Variants in IFT43 observed in about 807,000 individuals in gnomAD.
The protein encoded by IFT43 is intraflagellar transport 43, also known as intraflagellar transport protein 43 homolog.
In IFT43, 33 loss-of-function variants were observed where a neutral mutation model predicts 32.3. That is an observed-to-expected ratio of 1.02 (90% CI 0.77 to 1.37). IFT43 has a LOEUF of 1.37. IFT43 is among the 40% of genes most tolerant of loss of function. The probability of loss-of-function intolerance (pLI) is 0.00; values close to 1 mark genes in which losing one functional copy is unlikely to be tolerated. For missense variants in IFT43, 274 were observed against 265.9 expected, an observed-to-expected ratio of 1.03 and a Z score of -0.21; for synonymous variants, 93 against 98.2, an observed-to-expected ratio of 0.95 and a Z score of 0.31.
At chr14:76,025,281 A>G (rs928080605) in intron 3 of IFT43, among the ~76,000 whole-genome samples, 3 of 152,134 alleles carry the variant, frequency 2.0e-5, no homozygotes, top group African/African-American at 7.2e-5. Flanking sequence ...GTCAGAGATG[A>G]TACAAACAAA....
chr14:76,038,767 A>G (rs1290325804), intron 3 of IFT43, among the ~76,000 whole-genome samples: 1 of 152,172 alleles, frequency 6.6e-6, no homozygotes, highest in Admixed American at 6.5e-5. Context: ...CACTCATGCT[A>G]TCTTTAGTCC....
At chr14:76,010,861 G>A (rs1018340978) in intron 2 of IFT43, among the ~76,000 whole-genome samples, 1 of 149,096 alleles carries the variant, frequency 6.7e-6, no homozygotes, top group Non-Finnish European at 1.5e-5. Context: ...TTTCTTTTAA[G>A]TCTCTTTTAA....
chr14:75,996,865 A>G (rs2035756951), intron 2 of IFT43, among the ~76,000 whole-genome samples: 1 of 152,214 alleles, frequency 6.6e-6, no homozygotes, highest in Admixed American at 6.5e-5. Context: ...TCATTTATGA[A>G]ACTTGATTGG....
At chr14:76,015,094 A>G (rs1249902815) in intron 2 of IFT43, among the ~76,000 whole-genome samples, 1 of 152,210 alleles carries the variant, frequency 6.6e-6, no homozygotes, top group East Asian at 1.9e-4. Flanking sequence ...CGAGTTCCCC[A>G]CATAGGTAAC....
At chr14:76,048,175 A>G (rs1213598473) in intron 3 of IFT43, among the ~76,000 whole-genome samples, 3 of 152,338 alleles carry the variant, frequency 2.0e-5, no homozygotes, top group South Asian at 2.1e-4. Context: ...CAAGTTCACA[A>G]AAAGGCCATG....
At chr14:76,069,761 A>G (rs1395379909) in intron 5 of IFT43, among the ~76,000 whole-genome samples, 1 of 152,244 alleles carries the variant, frequency 6.6e-6, no homozygotes, top group African/African-American at 2.4e-5. Context: ...AAAAGGACTC[A>G]GTCTTGTGTT....
chr14:76,070,353 G>A (rs2037299580), intron 5 of IFT43, among the ~76,000 whole-genome samples: 1 of 152,144 alleles, frequency 6.6e-6, no homozygotes, highest in Non-Finnish European at 1.5e-5. Flanking sequence ...AAACAGCAGA[G>A]TCACTCTGAG....
intron 3 of IFT43, among the ~76,000 whole-genome samples, chr14:76,034,305 T>C (rs1171491131): frequency 1.3e-5 from 2 of 152,310 alleles, no homozygotes; most frequent in Admixed American, 6.5e-5. Context: ...TTTCTTGGTA[T>C]GTGCATGTAA....
rs75085564 is a variant in IFT43, at chr14:76,063,953, G to A, written c.295+4580G>A. On this transcript the variant is annotated intron_variant, in intron 5 of 8. Coordinates refer to ENST00000314067, the MANE Select transcript of IFT43 (RefSeq NM_001102564.3). ...CAGATGAATATTTGACAACTCTGTA[G>A]GAACTGAGGACCAGCGAGGGCAGGA... 9.5e-3 allele frequency among the ~76,000 whole-genome samples: 1,451 copies of A among 152,302 alleles called. 11 individuals are homozygous for A. Among genetic ancestry groups the A allele is most frequent in the South Asian group, 0.018 (87 of 4,820 alleles).
intron 2 of IFT43, among the ~76,000 whole-genome samples, chr14:76,019,383 T>C (rs1237865712): frequency 2.0e-5 from 3 of 152,154 alleles, no homozygotes; most frequent in Non-Finnish European, 4.4e-5. Context: ...GCTGCCTTTT[T>C]TTTTTTCCCT....
intron 2 of IFT43, among the ~76,000 whole-genome samples, chr14:76,004,971 T>G (rs1234916533): frequency 2.0e-5 from 3 of 152,236 alleles, no homozygotes; most frequent in Non-Finnish European, 4.4e-5. Context: ...TATGGCCATC[T>G]TTTCCCATAA....
intron 2 of IFT43, chr14:76,013,717 T>C: frequency 2.9e-6 from 1 of 346,222 alleles, no homozygotes; most frequent in Non-Finnish European, 5.6e-6. Context: ...CTTGAAGAAA[T>C]CCGCAAATGT....
At chr14:76,045,698 C>T (rs1379248458) in intron 3 of IFT43, among the ~76,000 whole-genome samples, 1 of 152,170 alleles carries the variant, frequency 6.6e-6, no homozygotes, top group Non-Finnish European at 1.5e-5. Flanking sequence ...CCAAGCCTCA[C>T]CTCTGTTTTC....
chr14:75,991,661 G>A (rs946885872), intron 2 of IFT43, among the ~76,000 whole-genome samples: 2 of 152,118 alleles, frequency 1.3e-5, no homozygotes, highest in South Asian at 2.1e-4. Context: ...GTCACAGAGT[G>A]TGATGAATCC....
Position 76,083,571 on chromosome 14 carries a change from C to T in IFT43, c.621C>T (p.His207=), listed in dbSNP as rs2037555604. The T allele has an allele frequency of 1.9e-6, 3 of 1,613,822 alleles. No homozygotes were observed. The highest frequency in any genetic ancestry group is 1.3e-5 in the African/African-American group (1 of 74,910). ...EKEDPAGQAR[H]T ...AGGACCCTGCGGGGCAGGCCAGGCACACCTGAGCCCGTCACCCATGCTCTA... is the reference window on the plus strand; with the variant it reads ...AGGACCCTGCGGGGCAGGCCAGGCATACCTGAGCCCGTCACCCATGCTCTA... Residue 207 remains histidine (H), a synonymous_variant, in exon 9 of 9, where the codon CAC becomes CAT. Transcript: ENST00000314067.
rs181585266 is a variant in IFT43 at position 76,019,498 on chromosome 14, A to G, written c.148-2829A>G. Among the ~76,000 whole-genome samples, 346 of 150,520 alleles carry G rather than the reference A, an allele frequency of 2.3e-3. 3 individuals are homozygous for G. Among genetic ancestry groups the G allele is most frequent in the Non-Finnish European group, 4.1e-3 (274 of 67,598 alleles). ...CACTTTCCTCCTGTTGTTTTTTTGA[A>G]TTTTATCTTTGTCTTTGACTTGACA... On this transcript the variant is annotated intron_variant, in intron 2 of 8. Coordinates refer to ENST00000314067, the MANE Select transcript of IFT43 (RefSeq NM_001102564.3).
chr14:76,057,478 G>T (rs1225012028), intron 3 of IFT43, among the ~76,000 whole-genome samples: 1 of 151,844 alleles, frequency 6.6e-6, no homozygotes, highest in African/African-American at 2.4e-5. Context: ...TGATCCACCT[G>T]CCTTGGCCTC....
intron 2 of IFT43, among the ~76,000 whole-genome samples, chr14:76,002,435 A>G (rs952634319): frequency 6.6e-6 from 1 of 152,134 alleles, no homozygotes; most frequent in Non-Finnish European, 1.5e-5. Context: ...AGTGACACCA[A>G]GAAGGAAGTT....
intron 2 of IFT43, among the ~76,000 whole-genome samples, chr14:75,989,943 ACTTT>A (rs1212678339): frequency 6.6e-6 from 1 of 152,186 alleles, no homozygotes; most frequent in Admixed American, 6.5e-5. Context: ...ATTCTCCACC[ACTTT>A]CTTAAGCTCT....
Sources: gnomAD v4.1 joint callset for allele counts (sites outside exome capture counted in the v4.1 genomes callset) on GRCh38, gnomAD v4.1.1 for gene constraint, MANE v1.5 for transcripts, NCBI Gene and HGNC (gene_info 2026-07-23, HGNC 2026-07-21) for gene names.